The following NTM variants were observed in gnomAD, a reference collection of about 807,000 sequenced individuals.
NTM encodes the protein neurotrimin.
A neutral mutation model predicts 42.1 loss-of-function variants in NTM; 13 were observed. That is an observed-to-expected ratio of 0.31 (90% CI 0.20 to 0.49). The LOEUF is 0.49. NTM is among the 20% of genes least tolerant of loss of function. The pLI is 0.99. For missense variants in NTM, 373 were observed against 452.8 expected (o/e 0.82, Z 1.60); for synonymous variants, 187 against 179.2 (o/e 1.04, Z -0.35).
intron 2 of NTM, among the ~76,000 whole-genome samples, chr11:132,063,231 A>G (rs1819669818): frequency 6.6e-6 from 1 of 152,122 alleles, no homozygotes; most frequent in South Asian, 2.1e-4. Context: ...TACCTCCGAA[A>G]TGCTCCTCCT....
intron 2 of NTM, among the ~76,000 whole-genome samples, chr11:132,125,609 T>A (rs547586139): frequency 5.7e-5 from 2 of 34,954 alleles, no homozygotes; most frequent in East Asian, 1.8e-3. Flanking sequence ...GTGTGTGATG[T>A]GTGTGGTGTT....
At chr11:132,089,305 A>T (rs1461036893) in intron 2 of NTM, among the ~76,000 whole-genome samples, 1 of 152,126 alleles carries the variant, frequency 6.6e-6, no homozygotes, top group Non-Finnish European at 1.5e-5. Context: ...TTGTTTTTGG[A>T]ATCATACTGG....
chr11:131,855,863 A>T (rs2046043507), intron 1 of NTM, among the ~76,000 whole-genome samples: 1 of 152,160 alleles, frequency 6.6e-6, no homozygotes, highest in African/African-American at 2.4e-5. Context: ...ACTGTGCTGG[A>T]TCAATCCTCC....
intron 2 of NTM, among the ~76,000 whole-genome samples, chr11:132,126,905 C>G (rs1428113704): frequency 6.6e-6 from 1 of 152,216 alleles, no homozygotes; most frequent in African/African-American, 2.4e-5. Flanking sequence ...ATGATTCAAG[C>G]ATCTGCTCCT....
At chr11:131,910,504 A>T (rs966264024) in intron 1 of NTM, among the ~76,000 whole-genome samples, 1 of 151,432 alleles carries the variant, frequency 6.6e-6, no homozygotes, top group African/African-American at 2.4e-5. Flanking sequence ...ATGAGAGCGC[A>T]GTCCGCGCCG....
intron 7 of NTM, chr11:132,317,580 C>T: frequency 1.2e-6 from 1 of 832,058 alleles, no homozygotes; most frequent in Non-Finnish European, 1.8e-6. Context: ...CTATATATGA[C>T]AAATATATAG....
At chr11:132,099,673 C>T (rs1261051060) in intron 2 of NTM, among the ~76,000 whole-genome samples, 2 of 152,126 alleles carry the variant, frequency 1.3e-5, no homozygotes, top group Non-Finnish European at 2.9e-5. Context: ...AGGACAGCTC[C>T]GAGAAGAAAA....
rs1159506984 is a variant in NTM at position 132,298,857 on chromosome 11, G to A, written c.527-8832G>A. On this transcript the variant is annotated intron_variant, in intron 4 of 8. Transcript: ENST00000683400. The stretch of plus-strand genomic sequence containing the variant: ...ATATGTGTCAGGATCTATGATAAAT[G>A]TTTTGTTGATATTGATAGACACATA... 2.0e-5 allele frequency among the ~76,000 whole-genome samples: 3 copies of A among 151,958 alleles called. No homozygotes were observed. The East Asian group carries it at 5.8e-4, about 29-fold the overall frequency.
chr11:132,293,376 A>G (rs979264135), intron 4 of NTM, among the ~76,000 whole-genome samples: 4 of 152,230 alleles, frequency 2.6e-5, no homozygotes, highest in African/African-American at 9.6e-5. Context: ...CGTCTCCAGG[A>G]GAGCCCATGT....
chr11:131,764,027 G>A (rs565723674), intron 1 of NTM, among the ~76,000 whole-genome samples: 4 of 151,912 alleles, frequency 2.6e-5, no homozygotes, highest in Admixed American at 2.6e-4. Flanking sequence ...AAAACATTTG[G>A]TGATAGATTT....
chr11:132,226,707 AT>A (rs1226942819), intron 4 of NTM, among the ~76,000 whole-genome samples: 1 of 152,142 alleles, frequency 6.6e-6, no homozygotes, highest in Non-Finnish European at 1.5e-5. Context: ...AATACTGTTG[AT>A]TTCGTCCATC....
chr11:131,603,436 G>C (rs1394703820), intron 1 of NTM, among the ~76,000 whole-genome samples: 1 of 152,052 alleles, frequency 6.6e-6, no homozygotes, highest in African/African-American at 2.4e-5. Context: ...TTGGTCCATG[G>C]ACTATAGTTT....
At chr11:131,647,817 G>C (rs2065953721) in intron 1 of NTM, among the ~76,000 whole-genome samples, 4 of 152,116 alleles carry the variant, frequency 2.6e-5, no homozygotes, top group Admixed American at 2.0e-4. Flanking sequence ...GTACTTTATA[G>C]ATATGTTTTA....
At chr11:131,610,753 A>G (rs1158841135) in intron 1 of NTM, among the ~76,000 whole-genome samples, 3 of 152,208 alleles carry the variant, frequency 2.0e-5, no homozygotes, top group African/African-American at 7.2e-5. Context: ...CGTGAGTAGT[A>G]GCATGAGATG....
intron 1 of NTM, among the ~76,000 whole-genome samples, chr11:131,907,185 GCTC>G (rs796213982): frequency 5.9e-5 from 9 of 152,332 alleles, no homozygotes; most frequent in African/African-American, 1.9e-4. Context: ...TTAAGCTAGT[GCTC>G]CTCTTTTCGT....
At chr11:132,223,370 A>C (rs1043271129) in intron 4 of NTM, among the ~76,000 whole-genome samples, 1 of 152,136 alleles carries the variant, frequency 6.6e-6, no homozygotes, top group African/African-American at 2.4e-5. Flanking sequence ...GGGATTGTAG[A>C]CTTAAATAGA....
intron 2 of NTM, among the ~76,000 whole-genome samples, chr11:131,924,528 A>C (rs576280291): frequency 3.2e-4 from 48 of 152,320 alleles, no homozygotes; most frequent in African/African-American, 1.1e-3. Context: ...ACCCAAAGGA[A>C]TGTGAGCCGA....
chr11:132,097,470 C>T (rs1465394104), intron 2 of NTM, among the ~76,000 whole-genome samples: 1 of 152,204 alleles, frequency 6.6e-6, no homozygotes, highest in Admixed American at 6.5e-5. Flanking sequence ...CAGGGAATGT[C>T]ACTTGTCCGT....
At chr11:131,910,301 TTG>T (rs2054528105) in intron 1 of NTM, among the ~76,000 whole-genome samples, 1 of 152,182 alleles carries the variant, frequency 6.6e-6, no homozygotes, top group African/African-American at 2.4e-5. Flanking sequence ...GTTAATTAGT[TTG>T]TGACCCTTAT....
Sources: gnomAD v4.1 joint callset for allele counts (sites outside exome capture counted in the v4.1 genomes callset) on GRCh38, gnomAD v4.1.1 for gene constraint, MANE v1.5 for transcripts, NCBI Gene and HGNC (gene_info 2026-07-23, HGNC 2026-07-21) for gene names.